The following DPYD variants were observed in gnomAD, a reference collection of about 807,000 sequenced individuals.
DPYD encodes the protein dihydropyrimidine dehydrogenase [NADP(+)].
In DPYD, 109 loss-of-function variants were observed where a neutral mutation model predicts 116.2. That is an observed-to-expected ratio of 0.94 (90% CI 0.80 to 1.10). The LOEUF is 1.10. Ranked by LOEUF, DPYD falls within the 50% of genes least tolerant of loss-of-function variation. The pLI, the probability that DPYD is intolerant of heterozygous loss-of-function variation, is 0.00. For missense variants in DPYD, 1,302 were observed against 1,254.5 expected, an observed-to-expected ratio of 1.04 and a Z score of -0.57; for synonymous variants, 440 against 432.0, an observed-to-expected ratio of 1.02 and a Z score of -0.23.
At chr1:97,156,933 A>G (rs1655504901) in intron 20 of DPYD, among the ~76,000 whole-genome samples, 1 of 151,898 alleles carries the variant, frequency 6.6e-6, no homozygotes, top group East Asian at 1.9e-4. Context: ...AATACTATGC[A>G]GCCATAAAAA....
chr1:97,900,349 T>C (rs924963218), intron 1 of DPYD, among the ~76,000 whole-genome samples: 1 of 151,874 alleles, frequency 6.6e-6, no homozygotes, highest in African/African-American at 2.4e-5. Context: ...TCCCATGTTA[T>C]ACCCCAACAC....
chr1:97,510,444 T>C (rs1647702086), intron 13 of DPYD, among the ~76,000 whole-genome samples: 1 of 151,970 alleles, frequency 6.6e-6, no homozygotes, highest in Non-Finnish European at 1.5e-5. Flanking sequence ...CACAGAATCC[T>C]CAGTAAAAAG....
At chr1:97,894,268 T>A (rs1435909818) in intron 1 of DPYD, among the ~76,000 whole-genome samples, 7 of 151,756 alleles carry the variant, frequency 4.6e-5, no homozygotes, top group Non-Finnish European at 5.9e-5. Flanking sequence ...CTAATCCCAC[T>A]ATGAGGGTCC....
chr1:97,221,098 TAAATTA>T (rs1660741861), intron 19 of DPYD, among the ~76,000 whole-genome samples: 2 of 152,190 alleles, frequency 1.3e-5, no homozygotes, highest in African/African-American at 2.4e-5. Flanking sequence ...AAGTCAGGGA[TAAATTA>T]CTTAATAAAG....
At chr1:97,421,472 A>G (rs942843293) in intron 14 of DPYD, among the ~76,000 whole-genome samples, 3 of 152,140 alleles carry the variant, frequency 2.0e-5, no homozygotes, top group Non-Finnish European at 4.4e-5. Context: ...CAACAACAAA[A>G]GTGATTGCCT....
intron 8 of DPYD, among the ~76,000 whole-genome samples, chr1:97,659,985 C>A (rs1659160071): frequency 6.6e-6 from 1 of 152,050 alleles, no homozygotes; most frequent in Non-Finnish European, 1.5e-5. Context: ...ATATTCTTTC[C>A]AATAGTAATA....
chr1:97,516,563 A>T (rs146717750), intron 12 of DPYD, among the ~76,000 whole-genome samples: 211 of 152,108 alleles, frequency 1.4e-3, no homozygotes, highest in Middle Eastern at 6.8e-3. Context: ...CTTTTTTCTG[A>T]AACCAAATAG....
At chr1:97,837,751 A>G (rs923321009) in intron 2 of DPYD, among the ~76,000 whole-genome samples, 5 of 152,182 alleles carry the variant, frequency 3.3e-5, no homozygotes, top group Non-Finnish European at 7.4e-5. Context: ...CTGTTTTCAT[A>G]AACTCTCCAT....
Position 97,647,299 on chromosome 1 carries a change from T to C in DPYD, c.850+31796A>G, listed in dbSNP as rs577387282. Among the ~76,000 whole-genome samples, 3 of 152,220 alleles carry C rather than the reference T, an allele frequency of 2.0e-5. No homozygotes were observed. The South Asian group carries it at 6.2e-4, about 32-fold the overall frequency. The stretch of plus-strand genomic sequence containing the variant: ...AAATTTTAACATTTATACATTTTCT[T>C]ATAAGTAATCTTATATTTGGTGGCC... On this transcript the variant is annotated intron_variant, in intron 8 of 22. Transcript: ENST00000370192.
intron 3 of DPYD, among the ~76,000 whole-genome samples, chr1:97,755,335 G>A (rs890169002): frequency 1.3e-5 from 2 of 152,130 alleles, no homozygotes; most frequent in Non-Finnish European, 2.9e-5. Context: ...GATGCCAGTG[G>A]GATGCCCCCA....
At position 97,515,930 on chromosome 1, in the gene DPYD, T is replaced by C; in HGVS notation, c.1536A>G (p.Gly512=). Reference sequence around the variant, plus strand: ...GTTCAGGCTTGGCAGAAACGGAAGCTCCATATTGTGACTGCAAAATACAAA... The same window carrying C: ...GTTCAGGCTTGGCAGAAACGGAAGCCCCATATTGTGACTGCAAAATACAAA... ...YIHKYVQSQY[G]ASVSAKPELP... Residue 512 remains glycine (G), a synonymous_variant, in exon 13 of 23, where the codon GGA becomes GGG. Transcript: ENST00000370192. The C allele has an allele frequency of 1.2e-6, 2 of 1,612,398 alleles. No individual in the cohort carries two copies. The highest frequency in any genetic ancestry group is 1.7e-6 in the Non-Finnish European group (2 of 1,178,960).
At chr1:97,588,275 C>T (rs565153768) in intron 10 of DPYD, among the ~76,000 whole-genome samples, 1 of 152,246 alleles carries the variant, frequency 6.6e-6, no homozygotes, top group South Asian at 2.1e-4. Context: ...CATAAAAATG[C>T]AGCAGAATTA....
At chr1:97,143,431 C>T (rs1217193919) in intron 20 of DPYD, among the ~76,000 whole-genome samples, 1 of 152,110 alleles carries the variant, frequency 6.6e-6, no homozygotes, top group African/African-American at 2.4e-5. Context: ...TTGATAACCA[C>T]TATCTAATGC....
intron 18 of DPYD, among the ~76,000 whole-genome samples, chr1:97,299,758 T>C (rs2101017538): frequency 6.6e-6 from 1 of 152,198 alleles, no homozygotes; most frequent in East Asian, 1.9e-4. Flanking sequence ...TTTGTTGCCA[T>C]GAAGCAAACA....
chr1:97,782,065 T>A (rs563995768), intron 3 of DPYD, among the ~76,000 whole-genome samples: 6 of 152,272 alleles, frequency 3.9e-5, no homozygotes, highest in African/African-American at 1.4e-4. Flanking sequence ...CACTGGAAGG[T>A]ATTAGTACAA....
At chr1:97,549,449 T>C (rs1651148535) in intron 12 of DPYD, 111 bp downstream of exon 12, 4 of 1,156,654 alleles carry the variant, frequency 3.5e-6, no homozygotes, top group South Asian at 2.6e-5. Flanking sequence ...ACATATTGTA[T>C]ATATGCTTAT....
chr1:97,834,484 G>A (rs1277585663), intron 2 of DPYD, among the ~76,000 whole-genome samples: 6 of 151,806 alleles, frequency 4.0e-5, no homozygotes, highest in Non-Finnish European at 5.9e-5. Context: ...ATCTCAGCTG[G>A]TTGAAAACCT....
chr1:97,406,502 A>T (rs1001865535), intron 14 of DPYD, among the ~76,000 whole-genome samples: 2 of 151,768 alleles, frequency 1.3e-5, no homozygotes, highest in African/African-American at 4.8e-5. Context: ...TACTGCACCC[A>T]TCAATCCTTC....
rs543287333 is a variant in DPYD at position 97,447,492 on chromosome 1, C to T, written c.1905+2567G>A. The stretch of plus-strand genomic sequence containing the variant: ...TTAATGGTATTTAAAACGTTATCTT[C>T]GATATGAGGAGTAAAAATGTTAGAA... On this transcript the variant is annotated intron_variant, in intron 14 of 22. Transcript: ENST00000370192. Among the ~76,000 whole-genome samples, 11 of 151,856 alleles carry T rather than the reference C, an allele frequency of 7.2e-5. No individual in the cohort carries two copies. The South Asian group carries it at 2.1e-3, about 29-fold the overall frequency.
Sources: allele counts gnomAD v4.1 joint callset (sites outside exome capture counted in the v4.1 genomes callset), GRCh38; gene constraint gnomAD v4.1.1; transcripts MANE v1.5; gene names NCBI Gene and HGNC (gene_info 2026-07-23, HGNC 2026-07-21).